Variants in NRG1 observed in about 807,000 individuals in gnomAD.
NRG1 encodes the protein pro-neuregulin-1, membrane-bound isoform.
A neutral mutation model predicts 63.8 loss-of-function variants in NRG1; 18 were observed. The observed-to-expected ratio is 0.28, with a 90% CI of 0.19 to 0.42. The LOEUF is 0.42. Among genes scored for constraint, NRG1 ranks in the 10% least tolerant of loss-of-function variants. NRG1 has a pLI of 1.00. For missense variants in NRG1, 762 were observed against 814.7 expected (o/e 0.94, Z 0.79); for synonymous variants, 302 against 301.3 (o/e 1.00, Z -0.02).
chr8:32,076,656 A>T (rs1469026707), intron 1 of NRG1, among the ~76,000 whole-genome samples: 1 of 152,048 alleles, frequency 6.6e-6, no homozygotes, highest in Non-Finnish European at 1.5e-5. Flanking sequence ...TAGTCTTTAC[A>T]ACAAACCCCC....
intron 5 of NRG1, among the ~76,000 whole-genome samples, chr8:32,704,968 T>C (rs1815967211): frequency 6.6e-6 from 1 of 152,122 alleles, no homozygotes; most frequent in South Asian, 2.1e-4. Flanking sequence ...CATCTGAAAA[T>C]ATTAGTTTGA....
rs57363109 is a variant in NRG1, at chr8:31,712,255, C to CTTTTTTTTTTTTTTTTTTTTTTTTTT, written c.37+72829_37+72854dup. 3.9e-4 allele frequency among the ~76,000 whole-genome samples: 28 copies of CTTTTTTTTTTTTTTTTTTTTTTTTTT among 72,354 alleles called. 5 individuals are homozygous for CTTTTTTTTTTTTTTTTTTTTTTTTTT. Among genetic ancestry groups the CTTTTTTTTTTTTTTTTTTTTTTTTTT allele is most frequent in the African/African-American group, 5.3e-4 (9 of 17,108 alleles). 47.5% of individuals were successfully genotyped at this position (72,354 alleles called of 152,430 possible). On this transcript the variant is annotated intron_variant, in intron 1 of 10. Transcript: ENST00000519301. ...TGACTTCCTGTTTCTTCTTCATGAT[C>CTTTTTTTTTTTTTTTTTTTTTTTTTT]TTTTTTTTTTTTTTTTTTTTTTTTT... is the stretch of plus-strand genomic sequence containing the variant.
intron 1 of NRG1, among the ~76,000 whole-genome samples, chr8:31,795,150 T>A (rs1291045620): frequency 6.6e-6 from 1 of 152,186 alleles, no homozygotes; most frequent in Non-Finnish European, 1.5e-5. Flanking sequence ...TATCAGGTGC[T>A]GCAATAAATT....
chr8:31,642,153 A>T (rs1803855576), intron 1 of NRG1, among the ~76,000 whole-genome samples: 1 of 152,162 alleles, frequency 6.6e-6, no homozygotes, highest in Admixed American at 6.5e-5. Context: ...AAAGCATGGG[A>T]AATGCTCTGC....
chr8:31,885,045 G>A (rs1830616771), intron 1 of NRG1, among the ~76,000 whole-genome samples: 1 of 152,016 alleles, frequency 6.6e-6, no homozygotes, highest in Non-Finnish European at 1.5e-5. Context: ...AATAAGCAAC[G>A]AATAAGAAGA....
rs143628237 is a variant in NRG1, at chr8:32,710,603, A to G, written c.503-17346A>G. On this transcript the variant is annotated intron_variant, in intron 5 of 11. Coordinates refer to ENST00000356819, the Ensembl canonical transcript of NRG1. The stretch of plus-strand genomic sequence containing the variant: ...TTTTTCTAACTCTACAGTCATTACT[A>G]AATGAAAATTAAGTTGTTTTTAAGG... 6.7e-3 allele frequency among the ~76,000 whole-genome samples: 1,028 copies of G among 152,350 alleles called. 5 individuals carry two copies. Among genetic ancestry groups the G allele is most frequent in the Middle Eastern group, 0.01 (3 of 294 alleles).
intron 1 of NRG1, among the ~76,000 whole-genome samples, chr8:31,817,585 T>G (rs1283222977): frequency 6.6e-6 from 1 of 152,198 alleles, no homozygotes; most frequent in Non-Finnish European, 1.5e-5. Context: ...TTTCTTTATT[T>G]AAAAAAATCA....
At chr8:32,554,997 A>G (rs903918320) in intron 1 of NRG1, among the ~76,000 whole-genome samples, 2 of 151,628 alleles carry the variant, frequency 1.3e-5, no homozygotes, top group Non-Finnish European at 1.5e-5. Flanking sequence ...GATTCCATAC[A>G]TGTTAGCTGC....
Position 32,322,242 on chromosome 8 carries a change from T to C in NRG1, c.38-273586T>C, listed in dbSNP as rs550963233. ...GCATTTCCTTTACTTGTGGAGATTT[T>C]CTGACTATAACATGCACACTATTAT... On this transcript the variant is annotated intron_variant, in intron 1 of 10. Transcript: ENST00000519301. Among the ~76,000 whole-genome samples the C allele has an allele frequency of 4.1e-4, 63 of 152,048 alleles. 1 individual carries two copies. The highest frequency in any genetic ancestry group is 1.5e-3 in the African/African-American group (63 of 41,516).
chr8:32,607,150 G>A (rs1221462558), intron 3 of NRG1, among the ~76,000 whole-genome samples: 3 of 152,100 alleles, frequency 2.0e-5, no homozygotes, highest in African/African-American at 7.2e-5. Context: ...ATTTATATGA[G>A]TAAATATAGC....
intron 1 of NRG1, among the ~76,000 whole-genome samples, chr8:32,018,251 TAAG>T (rs1184771462): frequency 6.6e-6 from 1 of 152,208 alleles, no homozygotes; most frequent in Admixed American, 6.5e-5. Flanking sequence ...CTAATGTAAT[TAAG>T]AAGAACATCG....
At chr8:31,956,046 AAAAAAAAC>A (rs1158347409) in intron 1 of NRG1, among the ~76,000 whole-genome samples, 75 of 150,044 alleles carry the variant, frequency 5.0e-4, no homozygotes, top group African/African-American at 1.4e-3. Context: ...GTCTCAAAAA[AAAAAAAAC>A]AAAAAAACAA....
chr8:31,947,276 C>A (rs1336362457), intron 1 of NRG1, among the ~76,000 whole-genome samples: 20 of 145,566 alleles, frequency 1.4e-4, no homozygotes, highest in African/African-American at 4.8e-4. Context: ...GTCCGCAGTC[C>A]GGCCTGGGCG....
At chr8:32,471,078 C>T (rs1341181041) in intron 1 of NRG1, among the ~76,000 whole-genome samples, 5 of 152,174 alleles carry the variant, frequency 3.3e-5, no homozygotes, top group Non-Finnish European at 7.3e-5. Context: ...CTGGGGATTG[C>T]AGGCTGTTTA....
At chr8:31,648,308 A>G (rs940858028) in intron 1 of NRG1, among the ~76,000 whole-genome samples, 1 of 150,894 alleles carries the variant, frequency 6.6e-6, no homozygotes, top group Admixed American at 6.6e-5. Flanking sequence ...TAATTTTTGT[A>G]TTTTTAGTAG....
At chr8:32,551,768 G>C (rs757559427) in intron 1 of NRG1, among the ~76,000 whole-genome samples, 3 of 152,040 alleles carry the variant, frequency 2.0e-5, no homozygotes, top group Non-Finnish European at 4.4e-5. Flanking sequence ...GAATAGTCTT[G>C]GGTGCTGTAT....
intron 5 of NRG1, among the ~76,000 whole-genome samples, chr8:32,715,201 C>T (rs1325346325): frequency 5.3e-5 from 8 of 152,132 alleles, no homozygotes; most frequent in East Asian, 3.9e-4. Flanking sequence ...GCCATCCACC[C>T]GCCTCAGCCT....
At chr8:32,721,862 T>C in intron 5 of NRG1, 1 of 1,405,290 alleles carries the variant, frequency 7.1e-7, no homozygotes, top group South Asian at 1.8e-5. Context: ...GCTCCAGAGC[T>C]TCATCTTCAG....
At chr8:32,558,103 G>A (rs1010651040) in intron 1 of NRG1, among the ~76,000 whole-genome samples, 4 of 152,148 alleles carry the variant, frequency 2.6e-5, no homozygotes, top group East Asian at 1.9e-4. Context: ...GACCGCTATC[G>A]TTCTCCAGGA....
Sources: gnomAD v4.1 joint callset for allele counts (sites outside exome capture counted in the v4.1 genomes callset) on GRCh38, gnomAD v4.1.1 for gene constraint, MANE v1.5 for transcripts, NCBI Gene and HGNC (gene_info 2026-07-23, HGNC 2026-07-21) for gene names.